Variants in NPSR1 observed in about 807,000 individuals in gnomAD.
NPSR1 encodes the protein neuropeptide S receptor 1.
In NPSR1, 48 loss-of-function variants were observed where a neutral mutation model predicts 46.9. The ratio of observed to expected loss-of-function variants is 1.02; its 90% CI spans 0.81 to 1.30. NPSR1 has a LOEUF of 1.30. Among genes scored for constraint, NPSR1 ranks in the 50% most tolerant of loss-of-function variants. The probability of loss-of-function intolerance (pLI) is 0.00; values close to 1 mark genes in which losing one functional copy is unlikely to be tolerated. For missense variants in NPSR1, 450 were observed against 449.5 expected, an observed-to-expected ratio of 1.00 and a Z score of -0.01; for synonymous variants, 176 against 168.1, an observed-to-expected ratio of 1.05 and a Z score of -0.36.
chr7:34,713,288 AG>A (rs1783395788), intron 2 of NPSR1, among the ~76,000 whole-genome samples: 1 of 152,188 alleles, frequency 6.6e-6, no homozygotes, highest in Non-Finnish European at 1.5e-5. Context: ...TGCCTCTTTT[AG>A]GAGTCAGTAT....
At chr7:34,824,167 G>A (rs1412818583) in intron 4 of NPSR1, among the ~76,000 whole-genome samples, 1 of 152,120 alleles carries the variant, frequency 6.6e-6, no homozygotes, top group Non-Finnish European at 1.5e-5. Flanking sequence ...TAAGCTTGAC[G>A]TTTCTGGTTG....
At chr7:34,806,178 T>C (rs890619797) in intron 3 of NPSR1, among the ~76,000 whole-genome samples, 1 of 152,108 alleles carries the variant, frequency 6.6e-6, no homozygotes, top group Admixed American at 6.5e-5. Flanking sequence ...TGTAAGGCTA[T>C]GTATTTACTC....
intron 8 of NPSR1, among the ~76,000 whole-genome samples, chr7:34,862,329 A>C (rs1323728454): frequency 1.3e-5 from 2 of 151,760 alleles, no homozygotes; most frequent in Non-Finnish European, 2.9e-5. Flanking sequence ...CCTCAGTTGC[A>C]TGGAGCTCAC....
At chr7:34,865,675 C>A (rs375952551) in intron 8 of NPSR1, among the ~76,000 whole-genome samples, 1 of 151,828 alleles carries the variant, frequency 6.6e-6, no homozygotes, top group Admixed American at 6.5e-5. Flanking sequence ...CCTTAGCATC[C>A]TTAGCAGGTA....
chr7:34,773,602 C>T (rs1051520001), intron 2 of NPSR1, among the ~76,000 whole-genome samples: 2 of 152,142 alleles, frequency 1.3e-5, no homozygotes, highest in African/African-American at 2.4e-5. Context: ...ATCAACCAGT[C>T]GAATCTCCTG....
chr7:34,660,536 TC>T (rs33939624), intron 1 of NPSR1, among the ~76,000 whole-genome samples: 46,026 of 152,022 alleles, frequency 0.3, 8,668 homozygotes, highest in African/African-American at 0.54. Flanking sequence ...CCCAGATGTA[TC>T]CCCTTTAATC....
At chr7:34,840,723 T>C (rs552639290) in intron 6 of NPSR1, among the ~76,000 whole-genome samples, 6 of 152,200 alleles carry the variant, frequency 3.9e-5, no homozygotes, top group South Asian at 2.1e-4. Flanking sequence ...GAGGCAGTCA[T>C]TGGCAAAGAA....
intron 3 of NPSR1, among the ~76,000 whole-genome samples, chr7:34,784,328 GA>G (rs1292367588): frequency 1.3e-5 from 2 of 152,048 alleles, no homozygotes; most frequent in African/African-American, 4.8e-5. Context: ...GTTTGTCATA[GA>G]TAGCTCTTAT....
intron 2 of NPSR1, among the ~76,000 whole-genome samples, chr7:34,766,600 T>G: frequency 6.6e-6 from 1 of 150,794 alleles, no homozygotes; most frequent in Non-Finnish European, 1.5e-5. Context: ...TGAGATGGAG[T>G]CTCACTCTGT....
At chr7:34,819,028 A>C (rs1789408091) in intron 4 of NPSR1, among the ~76,000 whole-genome samples, 2 of 152,238 alleles carry the variant, frequency 1.3e-5, no homozygotes, top group South Asian at 4.1e-4. Context: ...TCATGACTAA[A>C]ACACCAAAAG....
intron 8 of NPSR1, among the ~76,000 whole-genome samples, chr7:34,870,070 C>T (rs900114586): frequency 6.6e-6 from 1 of 151,854 alleles, no homozygotes; most frequent in Non-Finnish European, 1.5e-5. Context: ...ATCTCTTCTT[C>T]TTGTCATCTG....
chr7:34,865,244 G>T (rs1204940593), intron 8 of NPSR1, among the ~76,000 whole-genome samples: 1 of 151,846 alleles, frequency 6.6e-6, no homozygotes, highest in Non-Finnish European at 1.5e-5. Context: ...GGAATGTTTG[G>T]AAGTTGTTTG....
chr7:34,827,654 T>C (rs1668235899), intron 5 of NPSR1, 52 bp downstream of exon 5: 1 of 882,408 alleles, frequency 1.1e-6, no homozygotes. Context: ...GGGGGGGGCT[T>C]TCCTGTTTCT....
intron 2 of NPSR1, among the ~76,000 whole-genome samples, chr7:34,755,020 G>A (rs996094058): frequency 3.3e-5 from 5 of 152,034 alleles, no homozygotes; most frequent in Admixed American, 6.6e-5. Flanking sequence ...TTGTTTATCC[G>A]TTCATCAGTT....
chr7:34,820,192 T>A (rs4723386), intron 4 of NPSR1, among the ~76,000 whole-genome samples: 13,684 of 152,288 alleles, frequency 0.09, 791 homozygotes, highest in South Asian at 0.27. Context: ...ATTTATGGCA[T>A]TGCTTGTAAT....
At chr7:34,834,567 T>C in intron 6 of NPSR1, 107 bp downstream of exon 6, 1 of 828,860 alleles carries the variant, frequency 1.2e-6, no homozygotes, top group South Asian at 1.4e-5. Flanking sequence ...GCATACAGGA[T>C]CATATCAGGA....
chr7:34,733,582 T>A (rs550461472), intron 2 of NPSR1, among the ~76,000 whole-genome samples: 24 of 152,344 alleles, frequency 1.6e-4, no homozygotes, highest in African/African-American at 5.3e-4. Flanking sequence ...AAGAGACGGC[T>A]TTTCATGATC....
chr7:34,672,287 T>C (rs1379747676), intron 1 of NPSR1, among the ~76,000 whole-genome samples: 1 of 152,348 alleles, frequency 6.6e-6, no homozygotes, highest in South Asian at 2.1e-4. Context: ...AATCTCAGAA[T>C]TTAATTGTTT....
chr7:34,673,363 T>C (rs1034522565), intron 1 of NPSR1, among the ~76,000 whole-genome samples: 6 of 152,196 alleles, frequency 3.9e-5, no homozygotes, highest in Admixed American at 1.3e-4. Flanking sequence ...ACCAGTATAA[T>C]CATGTCTCCA....
Sources: allele counts gnomAD v4.1 joint callset (sites outside exome capture counted in the v4.1 genomes callset), GRCh38; gene constraint gnomAD v4.1.1; transcripts MANE v1.5; gene names NCBI Gene and HGNC (gene_info 2026-07-23, HGNC 2026-07-21).